The following PTDSS1 variants were observed in gnomAD, a reference collection of about 807,000 sequenced individuals.
PTDSS1 encodes the protein PSS-1.
A neutral mutation model predicts 70.5 loss-of-function variants in PTDSS1; 45 were observed. The observed-to-expected ratio is 0.64, with a 90% CI of 0.50 to 0.82. PTDSS1 has a LOEUF of 0.82. Among genes scored for constraint, PTDSS1 ranks in the 40% least tolerant of loss-of-function variants. The pLI, the probability that PTDSS1 is intolerant of heterozygous loss-of-function variation, is 0.00. For synonymous variants in PTDSS1, 188 were observed against 203.8 expected (o/e 0.92, Z 0.66); for missense variants, 417 against 586.1 (o/e 0.71, Z 2.98).
intron 7 of PTDSS1, among the ~76,000 whole-genome samples, chr8:96,305,178 CAAGG>C (rs1189205431): frequency 6.6e-6 from 1 of 152,168 alleles, no homozygotes; most frequent in Non-Finnish European, 1.5e-5. Context: ...TTGGATGTGT[CAAGG>C]AGAGTAGTAT....
At chr8:96,268,634 C>CT (rs78192816) in intron 1 of PTDSS1, among the ~76,000 whole-genome samples, 4,968 of 137,158 alleles carry the variant, frequency 0.036, 280 homozygotes, top group African/African-American at 0.12. Context: ...GGAGTGCAAA[C>CT]TTTTTTTTTT....
In PTDSS1 at chr8:96,276,320, G is replaced by A. The variant is rs80085996; in HGVS notation, c.271+2930G>A. On this transcript the variant is annotated intron_variant, in intron 2 of 12. Transcript: ENST00000517309. ...TTAAATCTATTTGATGTAACACTTT[G>A]TGTGATTTCTTCTGGCTTTGCCTCT... 1.3e-3 allele frequency among the ~76,000 whole-genome samples: 191 copies of A among 152,330 alleles called. 1 individual carries two copies. The highest frequency in any genetic ancestry group is 2.0e-3 in the Admixed American group (30 of 15,302).
Position 96,288,969 on chromosome 8 carries a change from C to T in PTDSS1, c.441+1823C>T, listed in dbSNP as rs150885523. ...TTTCTTTCCAAGACGGAGTCTCGCT[C>T]TGTCACCCAGGCTGGAATGTAGTGG... On this transcript the variant is annotated intron_variant, in intron 4 of 12. Coordinates refer to ENST00000517309, the MANE Select transcript of PTDSS1 (RefSeq NM_014754.3). Among the ~76,000 whole-genome samples the T allele has an allele frequency of 5.1e-3, 778 of 151,718 alleles. 9 individuals carry two copies. The highest frequency in any genetic ancestry group is 0.028 in the South Asian group (136 of 4,786).
At chr8:96,331,200 G>A in intron 12 of PTDSS1, 105 bp downstream of exon 12, 1 of 1,084,612 alleles carries the variant, frequency 9.2e-7, no homozygotes, top group East Asian at 2.4e-5. Context: ...AGGGTCTCAG[G>A]CCTACCCATT....
At position 96,284,109 on chromosome 8, in the gene PTDSS1, GT is replaced by G; in HGVS notation, c.273del (p.Pro92ArgfsTer30). 6.2e-7 allele frequency: 1 copy of G among 1,608,398 alleles called. No individual in the cohort carries two copies. The highest frequency in any genetic ancestry group is 1.7e-5 in the Admixed American group (1 of 59,770). On this transcript the variant is annotated frameshift_variant and splice_region_variant, in exon 3 of 13. Coordinates refer to ENST00000517309, the MANE Select transcript of PTDSS1 (RefSeq NM_014754.3). LOFTEE classifies it high-confidence loss of function. ...LIISVLAFPN[G>X]PFTRPHPALW... ...ACTTTATAATGTTATTTATCTGCAGGTCCGTTCACTCGACCTCATCCAGCCT... is the reference window on the plus strand; with the variant it reads ...ACTTTATAATGTTATTTATCTGCAGGCCGTTCACTCGACCTCATCCAGCCT...
chr8:96,320,144 C>A, intron 9 of PTDSS1, 102 bp from the exon 10 acceptor site: 2 of 1,005,486 alleles, frequency 2.0e-6, no homozygotes, highest in Non-Finnish European at 3.1e-6. Flanking sequence ...GCAGAAATCG[C>A]ATGATGAGTT....
intron 6 of PTDSS1, among the ~76,000 whole-genome samples, chr8:96,300,913 G>T (rs987114425): frequency 1.3e-5 from 2 of 151,918 alleles, no homozygotes; most frequent in African/African-American, 4.8e-5. Context: ...GTACCAATTT[G>T]TAATCTCACC....
chr8:96,315,821 C>T (rs1035521919), intron 9 of PTDSS1, among the ~76,000 whole-genome samples: 1 of 152,172 alleles, frequency 6.6e-6, no homozygotes, highest in Non-Finnish European at 1.5e-5. Flanking sequence ...ATTTGTCCAC[C>T]TAGCTTAGCC....
At chr8:96,333,101 A>C (rs142421643) in intron 12 of PTDSS1, among the ~76,000 whole-genome samples, 131 of 152,290 alleles carry the variant, frequency 8.6e-4, no homozygotes, top group African/African-American at 3.0e-3. Context: ...CAGGATGGGC[A>C]CCGCGTGGTG....
chr8:96,299,030 ACT>A (rs1811014684), intron 5 of PTDSS1, among the ~76,000 whole-genome samples: 3 of 149,298 alleles, frequency 2.0e-5, no homozygotes, highest in East Asian at 2.0e-4. Context: ...ACAGAGCAAG[ACT>A]CTGTCTCAGA....
At chr8:96,299,635 A>G in intron 5 of PTDSS1, 59 bp from the exon 6 acceptor site, 1 of 1,474,146 alleles carries the variant, frequency 6.8e-7, no homozygotes, top group Non-Finnish European at 9.1e-7. Flanking sequence ...AAATCTATCT[A>G]TCTGCATGGT....
chr8:96,277,929 T>G (rs1343536608), intron 2 of PTDSS1, among the ~76,000 whole-genome samples: 1 of 152,268 alleles, frequency 6.6e-6, no homozygotes, highest in East Asian at 1.9e-4. Flanking sequence ...AAATTCGTTA[T>G]TTTCTTACGT....
intron 4 of PTDSS1, among the ~76,000 whole-genome samples, chr8:96,289,632 G>A (rs1343915301): frequency 6.6e-6 from 1 of 152,110 alleles, no homozygotes; most frequent in African/African-American, 2.4e-5. Flanking sequence ...TTTGGTACAG[G>A]TTAATTTTTT....
chr8:96,279,064 G>C (rs1000858563), intron 2 of PTDSS1, among the ~76,000 whole-genome samples: 1 of 141,058 alleles, frequency 7.1e-6, no homozygotes, highest in Non-Finnish European at 1.5e-5. Context: ...TCCACCTCCC[G>C]GGCTCAAGCG....
rs1461261143 is a variant in PTDSS1, at chr8:96,336,176, A to G, written c.*2610A>G. ...TTTTGATGATACAAGACATCCTATCAATGCCAGTCTTATTTTCGCTAGGAC... is the reference window on the plus strand; with the variant it reads ...TTTTGATGATACAAGACATCCTATCGATGCCAGTCTTATTTTCGCTAGGAC... On this transcript the variant is annotated 3_prime_UTR_variant, in exon 13 of 13. Transcript: ENST00000517309. 6.6e-6 allele frequency: 1 copy of G among 152,052 alleles called. No homozygotes were observed. The highest frequency in any genetic ancestry group is 1.5e-5 in the Non-Finnish European group (1 of 68,046). The allele number at this position is 152,052 out of a possible 1,614,324, so 9.4% of individuals were successfully genotyped here.
chr8:96,288,122 C>T (rs1366931576), intron 4 of PTDSS1, among the ~76,000 whole-genome samples: 2 of 152,060 alleles, frequency 1.3e-5, no homozygotes, highest in Non-Finnish European at 2.9e-5. Flanking sequence ...AGTTTGCCGG[C>T]TTATTGTAAA....
At chr8:96,295,330 G>A (rs1810960595) in intron 5 of PTDSS1, 74 bp downstream of exon 5, 1 of 1,429,528 alleles carries the variant, frequency 7.0e-7, no homozygotes, top group African/African-American at 1.4e-5. Context: ...AAGTATGTCA[G>A]TTAACAGTCA....
rs147539123 is a variant in PTDSS1, at chr8:96,282,152, A to G, written c.272-1957A>G. Reference sequence around the variant, plus strand: ...ATCTAAAAGGTTAATTTAGTGTTATAGATAAAGTAATATTTACAAGCCAGG... The same window carrying G: ...ATCTAAAAGGTTAATTTAGTGTTATGGATAAAGTAATATTTACAAGCCAGG... On this transcript the variant is annotated intron_variant, in intron 2 of 12. Transcript: ENST00000517309. Among the ~76,000 whole-genome samples, 45 of 152,370 alleles carry G rather than the reference A, an allele frequency of 3.0e-4. 1 individual carries two copies. The East Asian group carries it at 7.9e-3, about 27-fold the overall frequency.
intron 9 of PTDSS1, among the ~76,000 whole-genome samples, chr8:96,310,245 A>G (rs1165940511): frequency 2.0e-5 from 3 of 149,668 alleles, no homozygotes; most frequent in African/African-American, 7.4e-5. Flanking sequence ...GCTCACTGCA[A>G]CCTCTGCCTT....
Sources: allele counts gnomAD v4.1 joint callset (sites outside exome capture counted in the v4.1 genomes callset), GRCh38; gene constraint gnomAD v4.1.1; transcripts MANE v1.5; gene names NCBI Gene and HGNC (gene_info 2026-07-23, HGNC 2026-07-21).